TARBP2: variants seen among roughly 807,000 people sequenced by gnomAD.
The protein encoded by TARBP2 is TARBP2 subunit of RISC loading complex.
In TARBP2, 23 loss-of-function variants were observed where a neutral mutation model predicts 40.4. The observed-to-expected ratio is 0.57, with a 90% confidence interval of 0.41 to 0.81. The LOEUF (loss-of-function observed/expected upper bound fraction) is 0.81. Ranked by LOEUF, TARBP2 falls within the 30% of genes least tolerant of loss-of-function variation. The pLI, the probability that TARBP2 is intolerant of heterozygous loss-of-function variation, is 0.00. For missense variants in TARBP2, 358 were observed against 473.7 expected, an observed-to-expected ratio of 0.76 and a Z score of 2.27; for synonymous variants, 183 against 190.5, an observed-to-expected ratio of 0.96 and a Z score of 0.32.
intron 6 of TARBP2, 106 bp downstream of exon 6, chr12:53,504,921 C>A: frequency 1.4e-6 from 2 of 1,468,678 alleles, no homozygotes; most frequent in Non-Finnish European, 9.4e-7. Flanking sequence ...GCTCTCTTAG[C>A]TTCACAGTCC....
chr12:53,501,243 G>T, upstream of TARBP2: 1 of 706,692 alleles, frequency 1.4e-6, no homozygotes. Flanking sequence ...CCTCCAGATG[G>T]AGGCTCACGA....
chr12:53,505,390 C>T lies in TARBP2; in HGVS notation c.741+128C>T. ...TAGGTCTGCTTCTGCCACAGTTTTC[C>T]TACCAGACCCAGGGTTCCTGGGGCC... is the stretch of plus-strand genomic sequence containing the variant. On this transcript the variant is annotated intron_variant, in intron 7 of 8. Coordinates refer to ENST00000266987, the MANE Select transcript of TARBP2 (RefSeq NM_134323.2). This position sits in a 1 kb window ranked among gnomAD's most constrained non-coding sequence, Gnocchi z 4.5. 1 of 1,410,600 alleles carries T rather than the reference C, an allele frequency of 7.1e-7. No individual in the cohort carries two copies. Among genetic ancestry groups the T allele is most frequent in the Non-Finnish European group, 9.5e-7 (1 of 1,057,620 alleles). The allele number at this position is 1,410,600 out of a possible 1,614,324, so 87.4% of individuals were successfully genotyped here.
chr12:53,506,223 G>A lies in TARBP2; in HGVS notation c.*75G>A. 6.5e-7 allele frequency: 1 copy of A among 1,530,938 alleles called. No homozygotes were observed. Among genetic ancestry groups the A allele is most frequent in the Non-Finnish European group, 8.8e-7 (1 of 1,134,462 alleles). 94.8% of individuals were successfully genotyped at this position (1,530,938 alleles called of 1,614,324 possible). ...GCCTCTGGGCTCATGTATCTGCGCA[G>A]CTCTGGTACCCTCTGTGGGTGCCAT... On this transcript the variant is annotated 3_prime_UTR_variant, in exon 9 of 9. Transcript: ENST00000266987.
chr12:53,504,927 A>C, intron 6 of TARBP2, 112 bp downstream of exon 6: 1 of 1,458,650 alleles, frequency 6.9e-7, no homozygotes, highest in Non-Finnish European at 9.4e-7. Flanking sequence ...TTAGCTTCAC[A>C]GTCCCTAGCT....
At chr12:53,504,220 G>T in intron 4 of TARBP2, 177 bp from the exon 5 acceptor site, 1 of 614,546 alleles carries the variant, frequency 1.6e-6, no homozygotes, top group South Asian at 2.3e-5. Flanking sequence ...AGTGGGAGGG[G>T]GAAGGAAGCC....
At chr12:53,504,290 C>A in intron 4 of TARBP2, 107 bp from the exon 5 acceptor site, 1 of 1,051,520 alleles carries the variant, frequency 9.5e-7, no homozygotes, top group Non-Finnish European at 1.4e-6. Flanking sequence ...CCGGTGGAAT[C>A]GGGAGATGGT....
In TARBP2 at chr12:53,505,357, C is replaced by T; in HGVS notation, c.741+95C>T. 1 of 1,494,798 alleles carries T rather than the reference C, an allele frequency of 6.7e-7. No homozygotes were observed. The highest frequency in any genetic ancestry group is 1.4e-5 in the South Asian group (1 of 73,704). 92.6% of individuals were successfully genotyped at this position (1,494,798 alleles called of 1,614,324 possible). A position where few individuals can be genotyped will look rare whatever the true frequency, so the allele number is the denominator to read the frequency against. ...GTCTGTGACTCAGCAGTGAGCCTCT[C>T]TGGGCCCTAGGTCTGCTTCTGCCAC... On this transcript the variant is annotated intron_variant, in intron 7 of 8. Coordinates refer to ENST00000266987, the MANE Select transcript of TARBP2 (RefSeq NM_134323.2). The surrounding 1 kb of genome is among the most constrained non-coding windows in gnomAD (Gnocchi z 4.5).
rs1943937804 is a variant in TARBP2 at position 53,505,567 on chromosome 12, G to A, written c.742-82G>A. On this transcript the variant is annotated intron_variant, in intron 7 of 8. Coordinates refer to ENST00000266987, the MANE Select transcript of TARBP2 (RefSeq NM_134323.2). This position sits in a 1 kb window ranked among gnomAD's most constrained non-coding sequence, Gnocchi z 4.5. ...CTGGAGGAAGCATTCTTTGTGCTTT[G>A]TTCTCCTTTGACGTTGAATGTCTCA... is the stretch of plus-strand genomic sequence containing the variant. The A allele has an allele frequency of 3.6e-6, 5 of 1,399,164 alleles. No individual in the cohort carries two copies. The highest frequency in any genetic ancestry group is 5.0e-6 in the Non-Finnish European group (5 of 996,588). The allele number at this position is 1,399,164 out of a possible 1,614,324, so 86.7% of individuals were successfully genotyped here.
At position 53,505,764 on chromosome 12, in the gene TARBP2, C is replaced by T; in HGVS notation, c.857C>T (p.Ser286Phe). The T allele has an allele frequency of 6.2e-7, 1 of 1,613,954 alleles. No homozygotes were observed. Among genetic ancestry groups the T allele is most frequent in the Non-Finnish European group, 8.5e-7 (1 of 1,179,896 alleles). The stretch of plus-strand genomic sequence containing the variant: ...TCCCTCCGCAGTTGCTCCCTGGGCT[C>T]CCTGGGTGCCCTGGGCCCTGCCTGC... ...ILSLRSCSLG[S>F]LGALGPACCR... The change falls in exon 8 of 9, where the codon TCC becomes TTC. Residue 286 changes from serine (S) to phenylalanine (F), a missense_variant. Coordinates refer to ENST00000266987, the MANE Select transcript of TARBP2 (RefSeq NM_134323.2). The surrounding 1 kb of genome is among the most constrained non-coding windows in gnomAD (Gnocchi z 4.5).
At chr12:53,504,155 A>G in intron 4 of TARBP2, 1 of 566,860 alleles carries the variant, frequency 1.8e-6, no homozygotes, top group Non-Finnish European at 3.1e-6. Flanking sequence ...GGCTTAGATG[A>G]TACCCAAGTG....
At position 53,502,010 on chromosome 12, in the gene TARBP2, C is replaced by T; in HGVS notation, c.54-5C>T. 3 of 1,614,066 alleles carry T rather than the reference C, an allele frequency of 1.9e-6. No individual in the cohort carries two copies. In the Middle Eastern group the frequency reaches 5.0e-4, roughly 267 times the overall value. ...TGTGATGTGGGTCTGTGCCCCTTCCCCCAGTATAGAGCAAATGCTGGCCGC... is the reference window on the plus strand; with the variant it reads ...TGTGATGTGGGTCTGTGCCCCTTCCTCCAGTATAGAGCAAATGCTGGCCGC... On this transcript the variant is annotated splice_region_variant and splice_polypyrimidine_tract_variant and intron_variant, in intron 1 of 8. Coordinates refer to ENST00000266987, the MANE Select transcript of TARBP2 (RefSeq NM_134323.2).
chr12:53,501,818 C>CT, intron 1 of TARBP2, 197 bp from the exon 2 acceptor site: 1 of 1,266,554 alleles, frequency 7.9e-7, no homozygotes, highest in African/African-American at 1.9e-5. Flanking sequence ...ATGCATTCTT[C>CT]CCCCCTTGCT....
chr12:53,503,452 C>A (rs1013905497), intron 3 of TARBP2: 2 of 579,028 alleles, frequency 3.5e-6, no homozygotes, highest in East Asian at 6.1e-5. Flanking sequence ...CCTTCCTTCA[C>A]GCGCAGGTTG....
In TARBP2 at chr12:53,506,330, C is replaced by T; in HGVS notation, c.*182C>T. On this transcript the variant is annotated 3_prime_UTR_variant, in exon 9 of 9. Coordinates refer to ENST00000266987, the MANE Select transcript of TARBP2 (RefSeq NM_134323.2). ...CCAAGGACCACAGAGCCTCAGCCAG[C>T]CCAGGATCCGTCCTCATTTTATTGG... 2 of 704,812 alleles carry T rather than the reference C, an allele frequency of 2.8e-6. No individual in the cohort carries two copies. Among genetic ancestry groups the T allele is most frequent in the Admixed American group, 3.0e-5 (1 of 33,630 alleles). 43.7% of individuals were successfully genotyped at this position (704,812 alleles called of 1,614,324 possible).
Position 53,505,070 on chromosome 12 carries a change from T to C in TARBP2, c.614-65T>C. 4 of 1,547,652 alleles carry C rather than the reference T, an allele frequency of 2.6e-6. No individual in the cohort carries two copies. The South Asian group carries it at 4.9e-5, about 19-fold the overall frequency. ...TCTGGGGGGACCCTCAATCCAAGTA[T>C]GACCTGGGTGGAAGCACTGGGTCTG... On this transcript the variant is annotated intron_variant, in intron 6 of 8. Transcript: ENST00000266987. The surrounding 1 kb of genome is among the most constrained non-coding windows in gnomAD (Gnocchi z 4.5).
chr12:53,501,606 G>T, intron 1 of TARBP2, 145 bp downstream of exon 1: 1 of 1,473,070 alleles, frequency 6.8e-7, no homozygotes, highest in Admixed American at 2.5e-5. Context: ...GGCGTGCACC[G>T]GGGCAGTGGC....
chr12:53,501,785 C>A (rs1943722374), intron 1 of TARBP2: 5 of 1,374,198 alleles, frequency 3.6e-6, no homozygotes, highest in Non-Finnish European at 4.8e-6. Context: ...AGGATCGTGC[C>A]CACCTTAACT....
intron 1 of TARBP2, 146 bp downstream of exon 1, chr12:53,501,607 G>T (rs1943711818): frequency 6.8e-7 from 1 of 1,472,494 alleles, no homozygotes; most frequent in Admixed American, 2.5e-5. Context: ...GCGTGCACCG[G>T]GGCAGTGGCT....
chr12:53,503,553 A>G lies in TARBP2; in HGVS notation c.327-160A>G, dbSNP rs547229277. 1.8e-4 allele frequency: 113 copies of G among 615,998 alleles called. 1 individual carries two copies. Among genetic ancestry groups the G allele is most frequent in the African/African-American group, 1.8e-3 (97 of 54,404 alleles). 38.2% of individuals were successfully genotyped at this position (615,998 alleles called of 1,614,324 possible). A position where few individuals can be genotyped will look rare whatever the true frequency, so the allele number is the denominator to read the frequency against. On this transcript the variant is annotated intron_variant, in intron 3 of 8. Transcript: ENST00000266987. ...GTCTTTTCGCCGGTGTTTGGCAGCA[A>G]AGGATCCGAGGAGGAAGCTGTTGGT...
Sources: allele counts gnomAD v4.1 joint callset, GRCh38; gene constraint gnomAD v4.1.1; non-coding constraint Gnocchi (gnomAD v3.1); transcripts MANE v1.5; gene names NCBI Gene and HGNC (gene_info 2026-07-23, HGNC 2026-07-21).